CLDN16: variants seen among roughly 807,000 people sequenced by gnomAD.
CLDN16 encodes the protein claudin-16.
In CLDN16, 13 loss-of-function variants were observed where a neutral mutation model predicts 24.6. The ratio of observed to expected loss-of-function variants is 0.53; its 90% CI spans 0.34 to 0.84. CLDN16 has a LOEUF of 0.84. CLDN16 is among the 40% of genes least tolerant of loss of function. The pLI is 0.01. For missense variants in CLDN16, 298 were observed against 292.7 expected, an observed-to-expected ratio of 1.02 and a Z score of -0.13; for synonymous variants, 116 against 106.7, an observed-to-expected ratio of 1.09 and a Z score of -0.54.
intron 1 of CLDN16, among the ~76,000 whole-genome samples, chr3:190,391,623 G>C (rs892807311): frequency 2.4e-4 from 36 of 152,168 alleles, no homozygotes; most frequent in African/African-American, 8.4e-4. Context: ...CAGATAAGGG[G>C]ACAGAGTGGC....
rs1221514630 is a variant in CLDN16 at position 190,363,556 on chromosome 3, GTATATA to G, written n.122-7301_122-7296del. 3.6e-3 allele frequency among the ~76,000 whole-genome samples: 312 copies of G among 87,374 alleles called. 3 individuals are homozygous for G. The highest frequency in any genetic ancestry group is 0.014 in the African/African-American group (291 of 21,094). 57.3% of individuals were successfully genotyped at this position (87,374 alleles called of 152,430 possible). A position where few individuals can be genotyped will look rare whatever the true frequency, so the allele number is the denominator to read the frequency against. On this transcript the variant is annotated intron_variant and non_coding_transcript_variant, in intron 1 of 4. Coordinates refer to the CLDN16 transcript ENST00000468220. ...AGTTGCTGTGCGTGTGTGTGTGTGT[GTATATA>G]TATATATATATATATATATATATAT...
intron 1 of CLDN16, among the ~76,000 whole-genome samples, chr3:190,323,003 TACACACACAC>T (rs147722582): frequency 5.5e-5 from 8 of 144,512 alleles, no homozygotes; most frequent in Non-Finnish European, 1.2e-4. Context: ...CAACATGATT[TACACACACAC>T]ACACACACAC....
At chr3:190,302,064 G>A in the CLDN16 span, among the ~76,000 whole-genome samples, 4 of 152,034 alleles carry the variant, frequency 2.6e-5, no homozygotes, top group Non-Finnish European at 1.5e-5. Context: ...TTGCAGCTGC[G>A]TTGGCCCCTT....
rs1432445325 is a variant in CLDN16 at position 190,410,849 on chromosome 3, T to A, written c.*813T>A. The A allele has an allele frequency of 6.6e-6, 1 of 152,196 alleles. No individual in the cohort carries two copies. The highest frequency in any genetic ancestry group is 1.9e-4 in the East Asian group (1 of 5,200). 9.4% of individuals were successfully genotyped at this position (152,196 alleles called of 1,614,324 possible). ...TTGTAATATACTATGTTAAAATTCA[T>A]CAATTCAAGTGCCCACACACCACTG... is the stretch of plus-strand genomic sequence containing the variant. On this transcript the variant is annotated 3_prime_UTR_variant, in exon 5 of 5. Transcript: ENST00000264734.
In CLDN16 at chr3:190,364,468, A is replaced by G. The variant is rs144297361; in HGVS notation, n.122-6425A>G. Among the ~76,000 whole-genome samples the G allele has an allele frequency of 2.6e-5, 4 of 151,992 alleles. No homozygotes were observed. In the East Asian group the frequency reaches 7.8e-4, roughly 30 times the overall value. On this transcript the variant is annotated intron_variant and non_coding_transcript_variant, in intron 1 of 4. Coordinates refer to the CLDN16 transcript ENST00000468220. ...AGCTGCTGATGGGTAGCTCTGGCCA[A>G]ATGGTTCCTGTTGTCCCACGGGTAG... is the stretch of plus-strand genomic sequence containing the variant.
chr3:190,392,059 C>CT (rs35220103), intron 1 of CLDN16, among the ~76,000 whole-genome samples: 11,821 of 126,124 alleles, frequency 0.094, 817 homozygotes, highest in South Asian at 0.2. Flanking sequence ...CCTTTTCAGT[C>CT]TTTTTTTTTT....
the CLDN16 span, among the ~76,000 whole-genome samples, chr3:190,308,847 T>C: frequency 6.6e-3 from 1,010 of 152,290 alleles, 12 homozygotes; most frequent in African/African-American, 0.022. Context: ...ATAATGGAGA[T>C]AATCAGAGCT....
At chr3:190,400,989 G>A (rs1395438701) in intron 1 of CLDN16, among the ~76,000 whole-genome samples, 1 of 151,978 alleles carries the variant, frequency 6.6e-6, no homozygotes, top group Non-Finnish European at 1.5e-5. Context: ...TTGTAAAATG[G>A]ATGATAAATA....
At chr3:190,388,005 C>T (rs1718548050), upstream of CLDN16, 3 of 982,322 alleles carry the variant, frequency 3.1e-6, no homozygotes, top group Admixed American at 4.0e-5. Flanking sequence ...CTGGTGACCA[C>T]CACTAGCCCA....
chr3:190,330,178 T>G (rs1459616913), intron 1 of CLDN16, among the ~76,000 whole-genome samples: 1 of 152,222 alleles, frequency 6.6e-6, no homozygotes, highest in East Asian at 1.9e-4. Flanking sequence ...TGCTCACTAT[T>G]CTAAGCATTC....
intron 1 of CLDN16, among the ~76,000 whole-genome samples, chr3:190,357,137 T>C (rs939732506): frequency 6.6e-6 from 1 of 151,940 alleles, no homozygotes; most frequent in African/African-American, 2.4e-5. Context: ...GAAGTCGTTT[T>C]CATTTTTACA....
Position 190,402,443 on chromosome 3 carries a change from C to G in CLDN16, c.217+4C>G. On this transcript the variant is annotated splice_donor_region_variant and intron_variant, in intron 2 of 4. Transcript: ENST00000264734. The stretch of plus-strand genomic sequence containing the variant: ...TCCATACTTGCGGAGCATCCCTGTA[C>G]GTATGCCTTAGAGCTCACTGCTTGC... 6.2e-7 allele frequency: 1 copy of G among 1,602,644 alleles called. No homozygotes were observed. The highest frequency in any genetic ancestry group is 8.5e-7 in the Non-Finnish European group (1 of 1,169,780).
At chr3:190,330,522 A>G (rs1717160265) in intron 1 of CLDN16, among the ~76,000 whole-genome samples, 1 of 152,146 alleles carries the variant, frequency 6.6e-6, no homozygotes, top group Non-Finnish European at 1.5e-5. Flanking sequence ...TTTTATTTGC[A>G]AAATAAGAAT....
At chr3:190,292,652 G>A in the CLDN16 span, among the ~76,000 whole-genome samples, 20 of 152,268 alleles carry the variant, frequency 1.3e-4, no homozygotes, top group African/African-American at 4.6e-4. Context: ...TTTATGCTCT[G>A]CTTCCCTTTT....
At chr3:190,388,143 G>T, upstream of CLDN16, 1 of 1,613,936 alleles carries the variant, frequency 6.2e-7, no homozygotes, top group South Asian at 1.1e-5. Flanking sequence ...CCCCACTGTT[G>T]GTTACAGCCT....
the CLDN16 span, among the ~76,000 whole-genome samples, chr3:190,312,084 C>T: frequency 1.3e-5 from 2 of 151,734 alleles, no homozygotes; most frequent in African/African-American, 2.4e-5. Context: ...GCGTGCACCA[C>T]CACACCCAGC....
At chr3:190,403,866 T>C (rs899344758) in intron 2 of CLDN16, among the ~76,000 whole-genome samples, 28 of 152,182 alleles carry the variant, frequency 1.8e-4, no homozygotes, top group Non-Finnish European at 2.9e-5. Context: ...ATTTTGTCTA[T>C]TCTAAAAATT....
chr3:190,356,754 AAAAG>A (rs1182346740), intron 1 of CLDN16, among the ~76,000 whole-genome samples: 2 of 152,088 alleles, frequency 1.3e-5, no homozygotes, highest in African/African-American at 2.4e-5. Flanking sequence ...TCCATGCTAT[AAAAG>A]AAAGAATTAT....
chr3:190,335,147 G>A (rs141494298), intron 1 of CLDN16, among the ~76,000 whole-genome samples: 8,692 of 151,276 alleles, frequency 0.057, 612 homozygotes, highest in African/African-American at 0.16. Flanking sequence ...AGGTTCAAGC[G>A]ATTCTCCTGC....
Sources: allele counts gnomAD v4.1 joint callset (sites outside exome capture counted in the v4.1 genomes callset), GRCh38; gene constraint gnomAD v4.1.1; transcripts MANE v1.5; gene names NCBI Gene and HGNC (gene_info 2026-07-23, HGNC 2026-07-21).